The following TBC1D5 variants were observed in gnomAD, a reference collection of about 807,000 sequenced individuals.
TBC1D5 encodes the protein TBC1 domain family, member 5.
A neutral mutation model predicts 100.3 loss-of-function variants in TBC1D5; 75 were observed. The observed-to-expected ratio is 0.75, with a 90% CI of 0.62 to 0.91. TBC1D5 has a LOEUF of 0.91. Ranked by LOEUF, TBC1D5 falls within the 40% of genes least tolerant of loss-of-function variation. The pLI is 0.00. For synonymous variants in TBC1D5, 323 were observed against 325.6 expected (o/e 0.99, Z 0.09); for missense variants, 910 against 942.4 (o/e 0.97, Z 0.45).
intron 1 of TBC1D5, among the ~76,000 whole-genome samples, chr3:17,662,339 T>C (rs1422481939): frequency 2.6e-5 from 4 of 152,250 alleles, no homozygotes; most frequent in East Asian, 1.9e-4. Flanking sequence ...CTAATTTTCA[T>C]GGCTAGAAGT....
intron 13 of TBC1D5, among the ~76,000 whole-genome samples, chr3:17,365,729 T>A (rs1230550353): frequency 6.6e-6 from 1 of 152,180 alleles, no homozygotes; most frequent in East Asian, 1.9e-4. Flanking sequence ...CTGGGCCTTG[T>A]ACCTAGCCTG....
chr3:17,248,538 G>A (rs1175728736), intron 16 of TBC1D5, among the ~76,000 whole-genome samples: 2 of 152,094 alleles, frequency 1.3e-5, no homozygotes, highest in African/African-American at 4.8e-5. Context: ...AAATAATAAG[G>A]CCTGTGAGTC....
rs140988557 is a variant in TBC1D5 at position 17,303,833 on chromosome 3, C to CTTTTTTTTTTTT, written c.1138+4147_1138+4158dup. Among the ~76,000 whole-genome samples, 7 of 84,520 alleles carry CTTTTTTTTTTTT rather than the reference C, an allele frequency of 8.3e-5. 1 individual carries two copies. Among genetic ancestry groups the CTTTTTTTTTTTT allele is most frequent in the African/African-American group, 3.5e-4 (7 of 20,260 alleles). The allele number at this position is 84,520 out of a possible 152,430, so 55.4% of individuals were successfully genotyped here. A position where few individuals can be genotyped will look rare whatever the true frequency, so the allele number is the denominator to read the frequency against. Reference sequence around the variant, plus strand: ...TGGAAGCCTGGATCACAATCTACCTCTTTTTTTTTTTTTTTTTTTTTTTTT... The same window carrying CTTTTTTTTTTTT: ...TGGAAGCCTGGATCACAATCTACCTCTTTTTTTTTTTTTTTTTTTTTTTTTTTTTTTTTTTTT... On this transcript the variant is annotated intron_variant, in intron 14 of 21. Coordinates refer to ENST00000253692, the Ensembl canonical transcript of TBC1D5.
chr3:17,197,230 C>T (rs561715876), intron 18 of TBC1D5, among the ~76,000 whole-genome samples: 6 of 152,288 alleles, frequency 3.9e-5, no homozygotes, highest in African/African-American at 1.2e-4. Context: ...ATTTATTGCA[C>T]TATTTATTTC....
intron 2 of TBC1D5, among the ~76,000 whole-genome samples, chr3:17,620,270 A>G (rs9310527): frequency 0.55 from 83,660 of 152,108 alleles, 25,142 homozygotes; most frequent in African/African-American, 0.78. Context: ...GCAAGCCACT[A>G]CACCGGGCTT....
intron 1 of TBC1D5, among the ~76,000 whole-genome samples, chr3:17,697,727 A>T (rs916721950): frequency 6.6e-6 from 1 of 152,146 alleles, no homozygotes; most frequent in Non-Finnish European, 1.5e-5. Flanking sequence ...GCTACCAATG[A>T]CTTGCTTCAC....
In TBC1D5 at chr3:17,506,941, G is replaced by A. The variant is rs138933896; in HGVS notation, c.97+1533C>T. ...TGAGGCAGGAGAATGGCGTGAACCCGGGAGGCACAGCTTGCAGTGAGCCGA... is the reference window on the plus strand; with the variant it reads ...TGAGGCAGGAGAATGGCGTGAACCCAGGAGGCACAGCTTGCAGTGAGCCGA... On this transcript the variant is annotated intron_variant, in intron 3 of 21. Coordinates refer to ENST00000253692, the Ensembl canonical transcript of TBC1D5. Among the ~76,000 whole-genome samples the A allele has an allele frequency of 1.6e-3, 250 of 152,202 alleles. 3 individuals carry two copies. The East Asian group carries it at 0.035, about 22-fold the overall frequency.
intron 13 of TBC1D5, among the ~76,000 whole-genome samples, chr3:17,354,631 C>G (rs945670887): frequency 6.6e-6 from 1 of 151,618 alleles, no homozygotes; most frequent in Non-Finnish European, 1.5e-5. Context: ...AAAACCTTGG[C>G]CAGCTGATGT....
chr3:17,178,173 C>T (rs570924156), intron 19 of TBC1D5, among the ~76,000 whole-genome samples: 51 of 150,070 alleles, frequency 3.4e-4, no homozygotes, highest in Admixed American at 1.3e-3. Context: ...TCACGCCATT[C>T]TCCTGCCTCA....
intron 3 of TBC1D5, among the ~76,000 whole-genome samples, chr3:17,464,292 G>C (rs181217075): frequency 4.4e-4 from 67 of 152,056 alleles, no homozygotes; most frequent in Non-Finnish European, 3.2e-4. Flanking sequence ...AGAGTTGCTG[G>C]TTTTCACAAC....
intron 8 of TBC1D5, among the ~76,000 whole-genome samples, chr3:17,401,387 A>T (rs1191864663): frequency 6.7e-6 from 1 of 150,232 alleles, no homozygotes; most frequent in Non-Finnish European, 1.5e-5. Flanking sequence ...ATGTATATGT[A>T]TATGTATATG....
chr3:17,344,430 T>G (rs2089542290), intron 13 of TBC1D5, among the ~76,000 whole-genome samples: 1 of 151,786 alleles, frequency 6.6e-6, no homozygotes, highest in South Asian at 2.1e-4. Flanking sequence ...TACAAACAAA[T>G]GGAAGAACAT....
At chr3:17,209,392 G>A (rs941550551) in intron 18 of TBC1D5, among the ~76,000 whole-genome samples, 2 of 152,130 alleles carry the variant, frequency 1.3e-5, no homozygotes, top group African/African-American at 4.8e-5. Context: ...CTCAAGCAAT[G>A]CTCCCAACTC....
chr3:17,487,700 C>T (rs2095587905), intron 3 of TBC1D5, among the ~76,000 whole-genome samples: 1 of 152,044 alleles, frequency 6.6e-6, no homozygotes. Context: ...TTCAAATAAA[C>T]TAAGCATGTG....
At chr3:17,172,404 T>A (rs1399275740) in intron 19 of TBC1D5, among the ~76,000 whole-genome samples, 1 of 152,228 alleles carries the variant, frequency 6.6e-6, no homozygotes, top group Non-Finnish European at 1.5e-5. Context: ...ACAAACGTAA[T>A]GATGTCTTTC....
chr3:17,287,534 T>C (rs1197605564), intron 15 of TBC1D5, among the ~76,000 whole-genome samples: 1 of 152,212 alleles, frequency 6.6e-6, no homozygotes, highest in Non-Finnish European at 1.5e-5. Flanking sequence ...ATAAGCTTTT[T>C]GACCTTGGGA....
intron 14 of TBC1D5, among the ~76,000 whole-genome samples, chr3:17,307,729 AG>A (rs2083538562): frequency 6.6e-6 from 1 of 152,208 alleles, no homozygotes; most frequent in African/African-American, 2.4e-5. Flanking sequence ...AGATTAAAGC[AG>A]GAGTAAAGTC....
intron 17 of TBC1D5, among the ~76,000 whole-genome samples, chr3:17,227,090 C>T (rs971282578): frequency 6.6e-6 from 1 of 152,150 alleles, no homozygotes; most frequent in African/African-American, 2.4e-5. Flanking sequence ...TGTATACACA[C>T]TAACCTACAA....
intron 1 of TBC1D5, among the ~76,000 whole-genome samples, chr3:17,691,660 T>C (rs1359475436): frequency 1.3e-5 from 2 of 151,824 alleles, no homozygotes; most frequent in Admixed American, 1.3e-4. Flanking sequence ...CTACTAAAAA[T>C]ACAAAAATTA....
Sources: gnomAD v4.1 joint callset for allele counts (sites outside exome capture counted in the v4.1 genomes callset) on GRCh38, gnomAD v4.1.1 for gene constraint, MANE v1.5 for transcripts, NCBI Gene and HGNC (gene_info 2026-07-23, HGNC 2026-07-21) for gene names.